Variants in CCSER1 observed in about 807,000 individuals in gnomAD.
CCSER1 encodes serine-rich coiled-coil domain-containing protein 1.
In CCSER1, 41 loss-of-function variants were observed where a neutral mutation model predicts 82.0. The ratio of observed to expected loss-of-function variants is 0.50; its 90% CI spans 0.39 to 0.65. CCSER1 has a LOEUF of 0.65. Ranked by LOEUF, CCSER1 falls within the 30% of genes least tolerant of loss-of-function variation. CCSER1 has a pLI of 0.00. For missense variants in CCSER1, 1,119 were observed against 1,064.2 expected (o/e 1.05, Z -0.72); for synonymous variants, 414 against 383.9 (o/e 1.08, Z -0.92).
At chr4:90,907,209 G>T (rs1247278507) in intron 8 of CCSER1, among the ~76,000 whole-genome samples, 1 of 152,080 alleles carries the variant, frequency 6.6e-6, no homozygotes, top group African/African-American at 2.4e-5. Context: ...TCAATAAGAA[G>T]CAGAGTATGT....
intron 8 of CCSER1, among the ~76,000 whole-genome samples, chr4:90,915,752 T>C (rs1581063503): frequency 6.6e-6 from 1 of 152,062 alleles, no homozygotes; most frequent in Non-Finnish European, 1.5e-5. Flanking sequence ...CATGATTGTA[T>C]ATCTAGAAAA....
chr4:91,366,391 T>C (rs1350052093), intron 10 of CCSER1, among the ~76,000 whole-genome samples: 1 of 152,222 alleles, frequency 6.6e-6, no homozygotes, highest in African/African-American at 2.4e-5. Flanking sequence ...ATCCTGGCAT[T>C]GTACCATTTA....
chr4:90,160,851 T>TG (rs1729302273), intron 1 of CCSER1, among the ~76,000 whole-genome samples: 1 of 152,126 alleles, frequency 6.6e-6, no homozygotes, highest in African/African-American at 2.4e-5. Flanking sequence ...AAAGTGAAAT[T>TG]GGGAAAATCT....
chr4:90,465,208 C>T (rs1763461598), intron 4 of CCSER1, among the ~76,000 whole-genome samples: 1 of 152,126 alleles, frequency 6.6e-6, no homozygotes, highest in Admixed American at 6.6e-5. Flanking sequence ...GTGATCTGCC[C>T]ACCTCTGCCT....
At chr4:90,688,181 G>C (rs1334047779) in intron 6 of CCSER1, among the ~76,000 whole-genome samples, 5 of 152,094 alleles carry the variant, frequency 3.3e-5, no homozygotes, top group Non-Finnish European at 7.4e-5. Context: ...TACTTCATTA[G>C]GGAATGAGAA....
chr4:90,305,051 G>A (rs1646586054), intron 1 of CCSER1, among the ~76,000 whole-genome samples: 1 of 151,692 alleles, frequency 6.6e-6, no homozygotes, highest in Non-Finnish European at 1.5e-5. Context: ...CTAGTAGCTG[G>A]GACTACAGGC....
chr4:90,770,552 G>A (rs1751925324), intron 7 of CCSER1, among the ~76,000 whole-genome samples: 1 of 152,162 alleles, frequency 6.6e-6, no homozygotes. Flanking sequence ...GAAAATCCCA[G>A]AGCAAGTAAC....
chr4:91,381,241 C>T (rs909958541), intron 10 of CCSER1, among the ~76,000 whole-genome samples: 6 of 152,036 alleles, frequency 3.9e-5, no homozygotes, highest in South Asian at 4.1e-4. Flanking sequence ...TTGCTCTTCT[C>T]GAGGAGTATC....
intron 10 of CCSER1, among the ~76,000 whole-genome samples, chr4:91,137,767 C>A (rs1439971727): frequency 6.6e-6 from 1 of 151,992 alleles, no homozygotes. Context: ...GTACAAAAAT[C>A]ACAAGCATTC....
intron 10 of CCSER1, among the ~76,000 whole-genome samples, chr4:91,185,526 G>A (rs561803436): frequency 2.2e-4 from 34 of 152,176 alleles, no homozygotes; most frequent in Admixed American, 4.6e-4. Context: ...CTACTGCAGT[G>A]CTACCGGCTG....
chr4:90,345,784 CTCTA>C (rs1394790133), intron 3 of CCSER1, among the ~76,000 whole-genome samples: 1 of 152,092 alleles, frequency 6.6e-6, no homozygotes, highest in East Asian at 1.9e-4. Flanking sequence ...CTCCACATCT[CTCTA>C]TCTTCTAAAC....
At chr4:90,994,573 G>C (rs532604677) in intron 9 of CCSER1, among the ~76,000 whole-genome samples, 1 of 145,132 alleles carries the variant, frequency 6.9e-6, no homozygotes, top group East Asian at 2.2e-4. Flanking sequence ...TCACAAAAAC[G>C]TATGAGTCTA....
At chr4:90,537,441 GT>G (rs1222310442) in intron 5 of CCSER1, among the ~76,000 whole-genome samples, 3 of 151,558 alleles carry the variant, frequency 2.0e-5, no homozygotes, top group Non-Finnish European at 4.4e-5. Flanking sequence ...TGATAATTTT[GT>G]TTTTTTCTTC....
chr4:91,104,397 G>A (rs926296922), intron 10 of CCSER1, among the ~76,000 whole-genome samples: 9 of 152,122 alleles, frequency 5.9e-5, no homozygotes, highest in Non-Finnish European at 1.0e-4. Context: ...CGGTCCTACC[G>A]ATATGTGATG....
At chr4:91,597,039 T>A (rs1032907672) in intron 10 of CCSER1, among the ~76,000 whole-genome samples, 4 of 152,072 alleles carry the variant, frequency 2.6e-5, no homozygotes, top group African/African-American at 9.7e-5. Flanking sequence ...TTTTGAGGCA[T>A]CAGCTCATAT....
rs1580959226 is a variant in CCSER1 at position 90,892,080 on chromosome 4, A to G, written c.2095-31290A>G. 1.3e-5 allele frequency among the ~76,000 whole-genome samples: 2 copies of G among 152,190 alleles called. 1 individual carries two copies. Among genetic ancestry groups the G allele is most frequent in the Admixed American group, 1.3e-4 (2 of 15,272 alleles). ...CATCATCCAGCAAAGTAAAATAAAA[A>G]TTTGTTTTTTATCTTGTTAAACGTA... On this transcript the variant is annotated intron_variant, in intron 8 of 10. Coordinates refer to ENST00000509176, the MANE Select transcript of CCSER1 (RefSeq NM_001145065.2).
chr4:91,418,880 A>G (rs1283394690), intron 10 of CCSER1, among the ~76,000 whole-genome samples: 8 of 152,078 alleles, frequency 5.3e-5, no homozygotes, highest in African/African-American at 1.9e-4. Flanking sequence ...ACAGCACATT[A>G]AAAGAATCAT....
chr4:91,360,144 T>C (rs961876667), intron 10 of CCSER1, among the ~76,000 whole-genome samples: 10 of 151,778 alleles, frequency 6.6e-5, no homozygotes, highest in Admixed American at 1.3e-4. Context: ...TGAAAGAGTA[T>C]TTAGAAATCC....
At chr4:91,190,049 G>A (rs1273056043) in intron 10 of CCSER1, among the ~76,000 whole-genome samples, 1 of 152,166 alleles carries the variant, frequency 6.6e-6, no homozygotes, top group East Asian at 1.9e-4. Context: ...CACCACTGTT[G>A]AAATCTGTAG....
Sources: gnomAD v4.1 joint callset for allele counts (sites outside exome capture counted in the v4.1 genomes callset) on GRCh38, gnomAD v4.1.1 for gene constraint, MANE v1.5 for transcripts, NCBI Gene and HGNC (gene_info 2026-07-23, HGNC 2026-07-21) for gene names.